The following APLP2 variants were observed in gnomAD, a reference collection of about 807,000 sequenced individuals.
The protein encoded by APLP2 is CDEI box-binding protein.
Under a neutral mutation model 89.9 loss-of-function variants are expected in APLP2, and 53 were observed. The observed-to-expected ratio is 0.59, with a 90% CI of 0.47 to 0.74. APLP2 has a LOEUF of 0.74. Ranked by LOEUF, APLP2 falls within the 30% of genes least tolerant of loss-of-function variation. The pLI, the probability that APLP2 is intolerant of heterozygous loss-of-function variation, is 0.00. For synonymous variants in APLP2, 372 were observed against 348.6 expected, an observed-to-expected ratio of 1.07 and a Z score of -0.75; for missense variants, 973 against 975.9, an observed-to-expected ratio of 1.00 and a Z score of 0.04.
At chr11:130,071,663 C>T (rs1252186790) in intron 1 of APLP2, among the ~76,000 whole-genome samples, 2 of 152,106 alleles carry the variant, frequency 1.3e-5, no homozygotes, top group Non-Finnish European at 2.9e-5. Context: ...TTAAAGAATT[C>T]GTTAATACTT....
intron 1 of APLP2, among the ~76,000 whole-genome samples, chr11:130,106,117 A>G (rs544949701): frequency 6.6e-6 from 1 of 152,344 alleles, no homozygotes; most frequent in African/African-American, 2.4e-5. Flanking sequence ...GATATGGGCC[A>G]AAGACAGATC....
At chr11:130,120,986 T>C (rs1285484670) in intron 4 of APLP2, among the ~76,000 whole-genome samples, 168 bp downstream of exon 4, 2 of 152,166 alleles carry the variant, frequency 1.3e-5, no homozygotes, top group African/African-American at 2.4e-5. Context: ...GGGAGAGAAG[T>C]AGGTATTTGT....
At chr11:130,073,061 G>A (rs11824832) in intron 1 of APLP2, among the ~76,000 whole-genome samples, 17,052 of 152,122 alleles carry the variant, frequency 0.11, 1,238 homozygotes, top group East Asian at 0.25. Flanking sequence ...TTGGTTATGC[G>A]AATTTACTTT....
Position 130,120,724 on chromosome 11 carries a change from A to G in APLP2, c.422A>G (p.Asp141Gly), listed in dbSNP as rs761080014. ...FKCLVGEFVSDVLLVPEKCQF... is the reference protein window; with the variant it reads ...FKCLVGEFVSGVLLVPEKCQF... ...TTTCCAGTGGGTGAATTTGTAAGTG[A>G]TGTCCTGCTAGTTCCAGAAAAGTGC... is the stretch of plus-strand genomic sequence containing the variant. Residue 141 changes from aspartate to glycine, a missense_variant, in exon 4 of 17, where the codon GAT becomes GGT. Asp to Gly is a moderately conservative substitution (Grantham distance 94, BLOSUM62 -1). Transcript: ENST00000338167. 5.0e-6 allele frequency: 8 copies of G among 1,613,722 alleles called. No homozygotes were observed. The South Asian group carries it at 6.6e-5, about 13-fold the overall frequency.
At chr11:130,108,406 G>A (rs1328781686) in intron 1 of APLP2, among the ~76,000 whole-genome samples, 1 of 152,178 alleles carries the variant, frequency 6.6e-6, no homozygotes, top group Non-Finnish European at 1.5e-5. Flanking sequence ...GATATGAACA[G>A]ACACTTCTCA....
At chr11:130,078,750 T>G (rs1942595870) in intron 1 of APLP2, among the ~76,000 whole-genome samples, 1 of 152,148 alleles carries the variant, frequency 6.6e-6, no homozygotes, top group African/African-American at 2.4e-5. Flanking sequence ...TCTGTCACCC[T>G]TGTAATCAAG....
intron 1 of APLP2, among the ~76,000 whole-genome samples, chr11:130,083,904 C>T (rs184643549): frequency 6.6e-6 from 1 of 152,264 alleles, no homozygotes; most frequent in African/African-American, 2.4e-5. Context: ...AACCTTCATA[C>T]TATTTTCTAT....
chr11:130,085,103 T>C (rs998416656), intron 1 of APLP2, among the ~76,000 whole-genome samples: 13 of 152,104 alleles, frequency 8.5e-5, no homozygotes, highest in Admixed American at 3.3e-4. Flanking sequence ...CATGAAGAAA[T>C]AGAAAACTTG....
chr11:130,086,780 A>G (rs1018089827), intron 1 of APLP2, among the ~76,000 whole-genome samples: 4 of 152,098 alleles, frequency 2.6e-5, no homozygotes, highest in Admixed American at 6.6e-5. Context: ...TCCCCATTCA[A>G]TTGTCCTGGC....
At chr11:130,104,657 T>TA (rs1025708024) in intron 1 of APLP2, among the ~76,000 whole-genome samples, 8 of 152,200 alleles carry the variant, frequency 5.3e-5, no homozygotes, top group Non-Finnish European at 7.3e-5. Context: ...ACACATATCT[T>TA]TAGGTGTTTT....
intron 1 of APLP2, among the ~76,000 whole-genome samples, chr11:130,086,912 G>A (rs187965137): frequency 8.6e-4 from 131 of 152,292 alleles, no homozygotes; most frequent in Non-Finnish European, 1.2e-3. Context: ...AAATCAGGAA[G>A]TATGAGTCTT....
chr11:130,117,270 G>C (rs1591818426), intron 3 of APLP2, among the ~76,000 whole-genome samples: 3 of 152,292 alleles, frequency 2.0e-5, no homozygotes, highest in South Asian at 4.1e-4. Flanking sequence ...GTTTAGCATG[G>C]AATTAATTAT....
chr11:130,133,675 T>C lies in APLP2; in HGVS notation c.1631T>C (p.Leu544Pro). 1 of 1,614,184 alleles carries C rather than the reference T, an allele frequency of 6.2e-7. No homozygotes were observed. Among genetic ancestry groups the C allele is most frequent in the South Asian group, 1.1e-5 (1 of 91,086 alleles). The change falls in exon 12 of 17, where the codon CTC becomes CCC. Residue 544 changes from leucine to proline, a missense_variant. Transcript: ENST00000338167. ...HVIEERRNQS[L>P]SLLYKVPYVA... Reference sequence around the variant, plus strand: ...ATTGAAGAAAGGAGGAACCAAAGCCTCTCTCTGCTCTACAAAGTACCTTAT... The same window carrying C: ...ATTGAAGAAAGGAGGAACCAAAGCCCCTCTCTGCTCTACAAAGTACCTTAT...
chr11:130,070,191 G>A, intron 1 of APLP2, 109 bp downstream of exon 1: 1 of 528,244 alleles, frequency 1.9e-6, no homozygotes, highest in Non-Finnish European at 2.7e-6. Flanking sequence ...GTGCGGCGCC[G>A]GGGGTCCGGC....
chr11:130,082,541 AT>A, intron 1 of APLP2: 1 of 158,952 alleles, frequency 6.3e-6, no homozygotes, highest in Non-Finnish European at 1.4e-5. Context: ...TTTCACACTG[AT>A]TTTCTGCTTC....
intron 16 of APLP2, among the ~76,000 whole-genome samples, chr11:130,142,446 G>T (rs1308308527): frequency 6.6e-6 from 1 of 152,144 alleles, no homozygotes; most frequent in Admixed American, 6.5e-5. Flanking sequence ...GACTGTTTCT[G>T]TTCTGTCTTC....
Position 130,110,584 on chromosome 11 carries a change from G to A in APLP2, c.326G>A (p.Arg109Gln), listed in dbSNP as rs568147308. 6.3e-5 allele frequency: 102 copies of A among 1,613,726 alleles called. 1 individual carries two copies. The South Asian group carries it at 1.0e-3, about 16-fold the overall frequency. The change falls in exon 3 of 17, where the codon CGG (arginine) becomes CAG (glutamine). Residue 109 changes from arginine to glutamine, a missense_variant. Physicochemically the swap from Arg to Gln is conservative, Grantham distance 43. Coordinates refer to ENST00000338167, the MANE Select transcript of APLP2 (RefSeq NM_001142276.2). ...ACAAATGTGATGGAGGCAAACCAGC[G>A]GGTTAGTATTGACAACTGGTGCCGG... ...QITNVMEANQRVSIDNWCRRD... is the reference protein window; with the variant it reads ...QITNVMEANQQVSIDNWCRRD...
At position 130,122,332 on chromosome 11, in the gene APLP2, AG is replaced by A. The variant is rs1306807338; in HGVS notation, c.742del (p.Asp248ThrfsTer68). 6.2e-7 allele frequency: 1 copy of A among 1,614,048 alleles called. No individual in the cohort carries two copies. The highest frequency in any genetic ancestry group is 1.7e-5 in the Admixed American group (1 of 60,016). On this transcript the variant is annotated frameshift_variant, in exon 6 of 17. Coordinates refer to ENST00000338167, the MANE Select transcript of APLP2 (RefSeq NM_001142276.2). LOFTEE classifies it high-confidence loss of function. ...SEFPTEADLE[D>X]FTEAAVDEDD... is the part of the protein sequence containing the mutation. The stretch of plus-strand genomic sequence containing the variant: ...AATTTCCTACTGAAGCAGATCTGGA[AG>A]ACTTCACAGAAGCAGCTGTGGATGA...
chr11:130,073,831 C>T (rs1433634925), intron 1 of APLP2, among the ~76,000 whole-genome samples: 1 of 152,080 alleles, frequency 6.6e-6, no homozygotes, highest in African/African-American at 2.4e-5. Flanking sequence ...GACTCCATCT[C>T]AAGAAAACAA....
Sources: allele counts gnomAD v4.1 joint callset (sites outside exome capture counted in the v4.1 genomes callset), GRCh38; gene constraint gnomAD v4.1.1; transcripts MANE v1.5; gene names NCBI Gene and HGNC (gene_info 2026-07-23, HGNC 2026-07-21).